MARCHF1: variants seen among roughly 807,000 people sequenced by gnomAD.
MARCHF1 encodes the protein membrane associated ring-CH-type finger 1, also known as E3 ubiquitin-protein ligase MARCHF1.
MARCHF1 carries 40 observed loss-of-function variants against 54.2 expected under a neutral mutation model. That is an observed-to-expected ratio of 0.74 (90% CI 0.57 to 0.96). The LOEUF is 0.96. Ranked by LOEUF, MARCHF1 falls within the 40% of genes least tolerant of loss-of-function variation. The pLI is 0.00. For missense variants in MARCHF1, 586 were observed against 656.5 expected (o/e 0.89, Z 1.17); for synonymous variants, 236 against 236.3 (o/e 1.00, Z 0.01).
chr4:164,188,978 G>C lies in MARCHF1; in HGVS notation c.-322-77316C>G, dbSNP rs551108473. The C allele has an allele frequency of 9.7e-6, 7 of 721,942 alleles. No individual in the cohort carries two copies. The African/African-American group carries it at 1.0e-4, about 11-fold the overall frequency. The allele number at this position is 721,942 out of a possible 1,614,324, so 44.7% of individuals were successfully genotyped here. A position where few individuals can be genotyped will look rare whatever the true frequency, so the allele number is the denominator to read the frequency against. The stretch of plus-strand genomic sequence containing the variant: ...GCTAAATGTTATGAGGATCATTAAC[G>C]AGCCTATGGCAGCTGCTATTGGTTA... On this transcript the variant is annotated intron_variant, in intron 1 of 9. Coordinates refer to ENST00000514618, the MANE Select transcript of MARCHF1 (RefSeq NM_001394959.1).
intron 1 of MARCHF1, among the ~76,000 whole-genome samples, chr4:164,162,570 C>A (rs1457039756): frequency 6.6e-6 from 1 of 152,032 alleles, no homozygotes; most frequent in Non-Finnish European, 1.5e-5. Flanking sequence ...AACCAGAGGA[C>A]AACAGAGGTC....
At chr4:163,553,049 A>AG (rs1423401886) in intron 8 of MARCHF1, among the ~76,000 whole-genome samples, 3 of 149,952 alleles carry the variant, frequency 2.0e-5, no homozygotes, top group African/African-American at 4.9e-5. Context: ...AAAAAAAAAA[A>AG]AAGAAGAATG....
chr4:164,288,422 G>C (rs1734204088), intron 1 of MARCHF1, among the ~76,000 whole-genome samples: 1 of 152,002 alleles, frequency 6.6e-6, no homozygotes, highest in Non-Finnish European at 1.5e-5. Context: ...CACATGAATT[G>C]CAAAGATTTA....
chr4:163,886,238 T>C (rs1750530264), intron 3 of MARCHF1, among the ~76,000 whole-genome samples: 1 of 150,532 alleles, frequency 6.6e-6, no homozygotes. Flanking sequence ...TATATTGATA[T>C]AGAGATAGGT....
intron 3 of MARCHF1, among the ~76,000 whole-genome samples, chr4:163,951,004 T>G (rs1163571412): frequency 1.3e-5 from 2 of 151,958 alleles, no homozygotes; most frequent in African/African-American, 2.4e-5. Flanking sequence ...TCAGAGAGAG[T>G]CAAGTCATGT....
intron 4 of MARCHF1, among the ~76,000 whole-genome samples, chr4:163,771,433 T>C (rs538435216): frequency 5.8e-4 from 88 of 152,302 alleles, no homozygotes; most frequent in African/African-American, 2.0e-3. Context: ...GAATTTCTCA[T>C]GGTTCTGGAG....
At chr4:163,690,392 C>A (rs1744410410) in intron 5 of MARCHF1, among the ~76,000 whole-genome samples, 1 of 152,076 alleles carries the variant, frequency 6.6e-6, no homozygotes. Flanking sequence ...GTTATTGATC[C>A]TAGCTTCTTA....
intron 1 of MARCHF1, among the ~76,000 whole-genome samples, chr4:164,231,196 A>G (rs1180807855): frequency 3.9e-5 from 6 of 152,204 alleles, no homozygotes; most frequent in Non-Finnish European, 5.9e-5. Context: ...GGATAAAAAT[A>G]TTTTAACAAA....
At chr4:163,725,529 C>G (rs1579231403) in intron 4 of MARCHF1, among the ~76,000 whole-genome samples, 1 of 149,288 alleles carries the variant, frequency 6.7e-6, no homozygotes, top group African/African-American at 2.5e-5. Context: ...AAAATATGAA[C>G]AAAAAAAGTA....
chr4:163,700,692 A>T (rs771398672), intron 5 of MARCHF1, 121 bp downstream of exon 5: 15 of 743,888 alleles, frequency 2.0e-5, no homozygotes, highest in African/African-American at 5.3e-5. Context: ...AGTTAAAACC[A>T]TGAACAAATC....
intron 8 of MARCHF1, among the ~76,000 whole-genome samples, chr4:163,551,125 C>A (rs1016833677): frequency 6.6e-6 from 1 of 152,092 alleles, no homozygotes; most frequent in East Asian, 1.9e-4. Context: ...GTTTTGTTTT[C>A]TGGCTGTGAT....
intron 5 of MARCHF1, among the ~76,000 whole-genome samples, chr4:163,639,030 G>C (rs1374910461): frequency 6.6e-6 from 1 of 152,068 alleles, no homozygotes; most frequent in African/African-American, 2.4e-5. Flanking sequence ...AGAGACTGGA[G>C]GGCAGTGGGG....
At chr4:164,337,100 G>C (rs1729760938) in intron 1 of MARCHF1, among the ~76,000 whole-genome samples, 1 of 152,118 alleles carries the variant, frequency 6.6e-6, no homozygotes, top group South Asian at 2.1e-4. Flanking sequence ...ACCTGTGAAA[G>C]TGTAAGTTTT....
intron 4 of MARCHF1, among the ~76,000 whole-genome samples, chr4:163,762,297 T>C (rs1271703598): frequency 6.6e-6 from 1 of 152,186 alleles, no homozygotes; most frequent in Non-Finnish European, 1.5e-5. Flanking sequence ...TTTCATTATA[T>C]TTGGTTCTAA....
chr4:164,163,013 G>T (rs149912770), intron 1 of MARCHF1, among the ~76,000 whole-genome samples: 259 of 152,006 alleles, frequency 1.7e-3, no homozygotes, highest in African/African-American at 5.8e-3. Context: ...AGTCAGCCTG[G>T]AATTCTACAC....
chr4:163,606,177 T>C (rs1477398686), intron 7 of MARCHF1, among the ~76,000 whole-genome samples: 1 of 152,148 alleles, frequency 6.6e-6, no homozygotes, highest in African/African-American at 2.4e-5. Flanking sequence ...TTATCACTTG[T>C]CTTTGGGCTC....
chr4:163,704,204 T>TC (rs1301795714), intron 4 of MARCHF1, among the ~76,000 whole-genome samples: 1 of 151,792 alleles, frequency 6.6e-6, no homozygotes, highest in African/African-American at 2.4e-5. Context: ...CAATTTTATT[T>TC]CCCCCCTTTT....
chr4:164,160,979 T>A (rs895286519), intron 1 of MARCHF1, among the ~76,000 whole-genome samples: 1 of 152,164 alleles, frequency 6.6e-6, no homozygotes, highest in Non-Finnish European at 1.5e-5. Context: ...ACATGATAGT[T>A]TTTGATACCA....
At chr4:164,228,818 T>C (rs1201033288) in intron 1 of MARCHF1, among the ~76,000 whole-genome samples, 1 of 152,192 alleles carries the variant, frequency 6.6e-6, no homozygotes, top group African/African-American at 2.4e-5. Context: ...CTAGGACCAG[T>C]GGACCAAATC....
Sources: gnomAD v4.1 joint callset for allele counts (sites outside exome capture counted in the v4.1 genomes callset) on GRCh38, gnomAD v4.1.1 for gene constraint, MANE v1.5 for transcripts, NCBI Gene and HGNC (gene_info 2026-07-23, HGNC 2026-07-21) for gene names.